GIGYF1: variants seen among roughly 807,000 people sequenced by gnomAD.
The protein encoded by GIGYF1 is GRB10 interacting GYF protein 1.
A neutral mutation model predicts 147.1 loss-of-function variants in GIGYF1; 84 were observed. The observed-to-expected ratio is 0.57, with a 90% CI of 0.48 to 0.68. The LOEUF (loss-of-function observed/expected upper bound fraction) is 0.68, where lower values mean the gene tolerates loss of function less well. GIGYF1 is among the 30% of genes least tolerant of loss of function. GIGYF1 has a pLI of 0.00. For synonymous variants in GIGYF1, 752 were observed against 589.5 expected (o/e 1.28, Z -3.99); for missense variants, 1,485 against 1,393.7 (o/e 1.07, Z -1.04).
chr7:100,684,134 AGC>A lies in GIGYF1; in HGVS notation c.1752_1753del (p.Leu585ProfsTer74). On this transcript the variant is annotated frameshift_variant, in exon 18 of 27. Coordinates refer to ENST00000678049, the MANE Select transcript of GIGYF1 (RefSeq NM_001375765.1). LOFTEE classifies it high-confidence loss of function. ...GTCCCCCAGAGCTGCCTTTTCTCGG[AGC>A]GCGCACTGTGGGAGCTGGCGGCTGC... 1 of 1,608,570 alleles carries A rather than the reference AGC, an allele frequency of 6.2e-7. No homozygotes were observed. Among genetic ancestry groups the A allele is most frequent in the Non-Finnish European group, 8.5e-7 (1 of 1,179,678 alleles).
At chr7:100,690,511 G>A (rs1239566384) in intron 1 of GIGYF1, among the ~76,000 whole-genome samples, 1 of 152,164 alleles carries the variant, frequency 6.6e-6, no homozygotes, top group Non-Finnish European at 1.5e-5. Flanking sequence ...GCCAGGCGTG[G>A]TGGTTCATGC....
chr7:100,686,291 T>TCGGCAC lies in GIGYF1; in HGVS notation c.831_836dup (p.Cys278_Arg279dup). The TCGGCAC allele has an allele frequency of 1.2e-6, 2 of 1,614,006 alleles. No homozygotes were observed. The highest frequency in any genetic ancestry group is 1.7e-6 in the Non-Finnish European group (2 of 1,179,974). ...TGTCCTCCTCAAAGCCTTCAGGCGC[T>TCGGCAC]CGGCACCGCCGCAGGTGAGAGCTGC... On this transcript the variant is annotated inframe_insertion, in exon 11 of 27. Transcript: ENST00000678049.
Position 100,682,666 on chromosome 7 carries a change from CCCAG to C in GIGYF1, c.2520_2523del (p.Trp841ArgfsTer16), listed in dbSNP as rs770721438. 6.2e-7 allele frequency: 1 copy of C among 1,603,314 alleles called. No individual in the cohort carries two copies. Among genetic ancestry groups the C allele is most frequent in the Non-Finnish European group, 8.5e-7 (1 of 1,176,266 alleles). Reference sequence around the variant, plus strand: ...CTCCCGCCGCTCTTGGGGGTGTCCTCCCAGAGCCCCAGGCCGCTGCTGCCGCCCC... The same window carrying C: ...CTCCCGCCGCTCTTGGGGGTGTCCTCAGCCCCAGGCCGCTGCTGCCGCCCC... On this transcript the variant is annotated frameshift_variant, in exon 23 of 27. Transcript: ENST00000678049. LOFTEE classifies it high-confidence loss of function.
intron 1 of GIGYF1, among the ~76,000 whole-genome samples, chr7:100,691,766 C>T (rs1584512700): frequency 1.3e-5 from 2 of 152,174 alleles, no homozygotes; most frequent in African/African-American, 2.4e-5. Flanking sequence ...CACCCCTTCT[C>T]TTTCTCGGGC....
intron 18 of GIGYF1, 30 bp from the exon 19 acceptor site, chr7:100,683,948 C>T (rs751589715): frequency 1.4e-5 from 22 of 1,562,620 alleles, no homozygotes; most frequent in Non-Finnish European, 1.9e-5. Flanking sequence ...TTCTTAGGAC[C>T]CCAAATCCAT....
chr7:100,683,787 C>T, intron 19 of GIGYF1, 31 bp downstream of exon 19: 2 of 1,577,654 alleles, frequency 1.3e-6, no homozygotes, highest in Non-Finnish European at 1.7e-6. Flanking sequence ...CGGAGACTGC[C>T]TTGGGGGTGG....
intron 22 of GIGYF1, 58 bp downstream of exon 22, chr7:100,682,954 C>G: frequency 1.4e-6 from 2 of 1,384,392 alleles, no homozygotes; most frequent in Non-Finnish European, 1.9e-6. Context: ...CAGTATCCCC[C>G]TCCCTGTGCC....
At position 100,688,227 on chromosome 7, in the gene GIGYF1, C is replaced by T. The variant is rs1350937604; in HGVS notation, c.12G>A (p.Glu4=). 4 of 1,612,102 alleles carry T rather than the reference C, an allele frequency of 2.5e-6. No homozygotes were observed. Among genetic ancestry groups the T allele is most frequent in the East Asian group, 2.2e-5 (1 of 44,826 alleles). Residue 4 remains glutamate (E), a synonymous_variant, in exon 4 of 27, where the codon GAG becomes GAA. Transcript: ENST00000678049. ...ACCACTCAGGCCCAAAGTTGAGTGT[C>T]TCTGCTGCCATCGTGGGGCTGGGCG... MAA[E]TLNFGPEWLR...
At chr7:100,691,888 G>A (rs924704199) in intron 1 of GIGYF1, among the ~76,000 whole-genome samples, 2 of 152,280 alleles carry the variant, frequency 1.3e-5, no homozygotes, top group African/African-American at 2.4e-5. Flanking sequence ...AGGCGCCAGG[G>A]CGCGCGGGAA....
At chr7:100,685,694 T>TCGCACAACAC (rs1299335642) in intron 12 of GIGYF1, among the ~76,000 whole-genome samples, 1 of 152,050 alleles carries the variant, frequency 6.6e-6, no homozygotes, top group African/African-American at 2.4e-5. Flanking sequence ...TATCACAACA[T>TCGCACAACAC]CGCACAACAC....
In GIGYF1 at chr7:100,682,055, G is replaced by A. The variant is rs1279934932; in HGVS notation, c.2925+17C>T. On this transcript the variant is annotated intron_variant, in intron 25 of 26. Transcript: ENST00000678049. ...ACCAGGCAAGCCCACCCCAGCTGCT[G>A]GTGCCGGCTGCCTCACCTGCTGCTG... 4 of 1,611,862 alleles carry A rather than the reference G, an allele frequency of 2.5e-6. No individual in the cohort carries two copies. Among genetic ancestry groups the A allele is most frequent in the South Asian group, 2.2e-5 (2 of 91,062 alleles).
Position 100,685,449 on chromosome 7 carries a change from C to A in GIGYF1, c.1087G>T (p.Glu363Ter). Residue 363 changes from glutamate (E) to a stop codon, truncating the protein, a stop_gained, in exon 13 of 27, where the codon GAG (glutamate) becomes TAG (stop). Coordinates refer to ENST00000678049, the MANE Select transcript of GIGYF1 (RefSeq NM_001375765.1). LOFTEE classifies it high-confidence loss of function. ...GGGGATGGGGAGCTGGACTTCTCCT[C>A]CTGAGGAGGCAGTGGGGTCAGCTCT... is the stretch of plus-strand genomic sequence containing the variant. The part of the protein sequence containing the change: ...GKELTPLPPQ[E>*]EKSSSPSPLP... 6.3e-7 allele frequency: 1 copy of A among 1,597,378 alleles called. No homozygotes were observed. Among genetic ancestry groups the A allele is most frequent in the Admixed American group, 1.8e-5 (1 of 54,076 alleles).
Position 100,686,161 on chromosome 7 carries a change from C to A in GIGYF1, c.948+19G>T. 1 of 1,602,866 alleles carries A rather than the reference C, an allele frequency of 6.2e-7. No individual in the cohort carries two copies. The highest frequency in any genetic ancestry group is 8.5e-7 in the Non-Finnish European group (1 of 1,173,128). The stretch of plus-strand genomic sequence containing the variant: ...GACCCCGGAAGGGCAGGTTCCCACC[C>A]TCGCCTCCTCACAGATACCTTGAGA... On this transcript the variant is annotated intron_variant, in intron 11 of 26. Transcript: ENST00000678049.
In GIGYF1 at chr7:100,679,687, AG is replaced by A. The variant is rs1259300782; in HGVS notation, c.*2031del. 1.3e-5 allele frequency: 2 copies of A among 152,752 alleles called. No individual in the cohort carries two copies. Among genetic ancestry groups the A allele is most frequent in the Admixed American group, 6.6e-5 (1 of 15,262 alleles). 9.5% of individuals were successfully genotyped at this position (152,752 alleles called of 1,614,324 possible). The stretch of plus-strand genomic sequence containing the variant: ...AAGGGCAGGGGAGCAGCGAGGGCCC[AG>A]GAAGACCGGGGCCGGGGAAGGACAG... On this transcript the variant is annotated 3_prime_UTR_variant, in exon 27 of 27. Coordinates refer to ENST00000678049, the MANE Select transcript of GIGYF1 (RefSeq NM_001375765.1).
rs762252805 is a variant in GIGYF1, at chr7:100,682,495, G to A, written c.2601-13C>T. On this transcript the variant is annotated splice_polypyrimidine_tract_variant and intron_variant, in intron 23 of 26. Coordinates refer to ENST00000678049, the MANE Select transcript of GIGYF1 (RefSeq NM_001375765.1). ...GCTGTATGAGTCACTGAAGGGGGAG[G>A]GTGAGTCAGGGTTGGAAATCAGCTG... The A allele has an allele frequency of 1.8e-5, 29 of 1,609,280 alleles. No individual in the cohort carries two copies. The highest frequency in any genetic ancestry group is 2.5e-5 in the Non-Finnish European group (29 of 1,179,624).
At chr7:100,682,524 G>A (rs767372122) in intron 23 of GIGYF1, 42 bp from the exon 24 acceptor site, 2 of 1,600,718 alleles carry the variant, frequency 1.2e-6, no homozygotes, top group Non-Finnish European at 1.7e-6. Flanking sequence ...TCAGCTGGCA[G>A]GGGTTGGGGG....
chr7:100,682,162 C>T lies in GIGYF1; in HGVS notation c.2835G>A (p.Leu945=), dbSNP rs75971851. 5 of 1,613,906 alleles carry T rather than the reference C, an allele frequency of 3.1e-6. No homozygotes were observed. The South Asian group carries it at 4.4e-5, about 14-fold the overall frequency. ...YDVHDYIRSC[L]GDTLEAKEFA... ...ATTCTTTGGCTTCCAGCGTGTCCCC[C>T]AGGCAGGAACGGATATAATCGTGGA... Residue 945 remains leucine (L), a synonymous_variant, in exon 25 of 27, where the codon CTG becomes CTA. Coordinates refer to ENST00000678049, the MANE Select transcript of GIGYF1 (RefSeq NM_001375765.1).
At chr7:100,685,787 T>G (rs544479283) in intron 12 of GIGYF1, among the ~76,000 whole-genome samples, 187 bp downstream of exon 12, 9 of 152,212 alleles carry the variant, frequency 5.9e-5, no homozygotes, top group Non-Finnish European at 1.3e-4. Context: ...GCCTGATTTC[T>G]ATCTGGTACA....
chr7:100,682,412 G>A lies in GIGYF1; in HGVS notation c.2671C>T (p.Leu891=). 6.2e-7 allele frequency: 1 copy of A among 1,613,720 alleles called. No individual in the cohort carries two copies. Among genetic ancestry groups the A allele is most frequent in the Non-Finnish European group, 8.5e-7 (1 of 1,179,984 alleles). ...KTEEEEKLLK[L]LQGIPRPQDG... ...TGGGGCCTGGGAATGCCCTGCAGCAGCTTCAGCAGCTTCTCTTCTTCCTCC... is the reference window on the plus strand; with the variant it reads ...TGGGGCCTGGGAATGCCCTGCAGCAACTTCAGCAGCTTCTCTTCTTCCTCC... Residue 891 remains leucine (L), a synonymous_variant, in exon 24 of 27, where the codon CTG becomes TTG. Coordinates refer to ENST00000678049, the MANE Select transcript of GIGYF1 (RefSeq NM_001375765.1).
Sources: allele counts gnomAD v4.1 joint callset (sites outside exome capture counted in the v4.1 genomes callset), GRCh38; gene constraint gnomAD v4.1.1; transcripts MANE v1.5; gene names NCBI Gene and HGNC (gene_info 2026-07-23, HGNC 2026-07-21).